The following NUDT19 variants were observed in gnomAD, a reference collection of about 807,000 sequenced individuals.
The protein encoded by NUDT19 is nudix hydrolase 19, also known as acyl-coenzyme A diphosphatase NUDT19.
Under a neutral mutation model 22.2 loss-of-function variants are expected in NUDT19, and 31 were observed. The ratio of observed to expected loss-of-function variants is 1.40; its 90% CI spans 1.05 to 1.89. The LOEUF (loss-of-function observed/expected upper bound fraction) is 1.89. Ranked by LOEUF, NUDT19 falls within the 40% of genes most tolerant of loss-of-function variation. The pLI, the probability that NUDT19 is intolerant of heterozygous loss-of-function variation, is 0.00. For missense variants in NUDT19, 752 were observed against 514.2 expected, an observed-to-expected ratio of 1.46 and a Z score of -4.47; for synonymous variants, 325 against 230.8, an observed-to-expected ratio of 1.41 and a Z score of -3.70.
Position 32,692,107 on chromosome 19 carries a change from C to A in NUDT19, c.147C>A (p.Arg49=), listed in dbSNP as rs1160434246. Residue 49 remains arginine, a synonymous_variant, in exon 1 of 3, where the codon CGC becomes CGA. Coordinates refer to ENST00000397061, the MANE Select transcript of NUDT19 (RefSeq NM_001105570.2). ...GCTTCCGGCTGCTGCTGCTGCAGCGCTCCCCGCACCAAGGCTTCATGCCGG... is the reference window on the plus strand; with the variant it reads ...GCTTCCGGCTGCTGCTGCTGCAGCGATCCCCGCACCAAGGCTTCATGCCGG... ...AEGFRLLLLQ[R]SPHQGFMPGA... is the part of the protein sequence containing the mutation. 2.1e-6 allele frequency: 3 copies of A among 1,421,392 alleles called. No individual in the cohort carries two copies. The highest frequency in any genetic ancestry group is 2.7e-6 in the Non-Finnish European group (3 of 1,095,248). 88.0% of individuals were successfully genotyped at this position (1,421,392 alleles called of 1,614,324 possible). A position where few individuals can be genotyped will look rare whatever the true frequency, so the allele number is the denominator to read the frequency against.
At chr19:32,692,718 G>C in intron 1 of NUDT19, 44 bp downstream of exon 1, 1 of 1,389,694 alleles carries the variant, frequency 7.2e-7, no homozygotes, top group Non-Finnish European at 9.4e-7. Flanking sequence ...CAGGACGTGA[G>C]AGGGAGGACC....
rs1568435902 is a variant in NUDT19 at position 32,712,101 on chromosome 19, G to A, written c.*144G>A. The stretch of plus-strand genomic sequence containing the variant: ...ATTTCTTTATTTTTTTCGAGACAGA[G>A]TCTCAATCTGTCGCCCAGGCTGGAG... On this transcript the variant is annotated 3_prime_UTR_variant, in exon 3 of 3. Coordinates refer to ENST00000397061, the MANE Select transcript of NUDT19 (RefSeq NM_001105570.2). 3.2e-6 allele frequency: 2 copies of A among 634,320 alleles called. No homozygotes were observed. Among genetic ancestry groups the A allele is most frequent in the Non-Finnish European group, 5.5e-6 (2 of 360,986 alleles). 39.3% of individuals were successfully genotyped at this position (634,320 alleles called of 1,614,324 possible).
chr19:32,692,268 C>T lies in NUDT19; in HGVS notation c.308C>T (p.Ser103Leu), dbSNP rs762016622. Residue 103 changes from serine (S) to leucine (L), a missense_variant, in exon 1 of 3, where the codon TCG (serine) becomes TTG (leucine). Ser to Leu is a moderately radical substitution (Grantham distance 145). Coordinates refer to ENST00000397061, the MANE Select transcript of NUDT19 (RefSeq NM_001105570.2). ...CCATTCAGCCGCACCGCTTTCCCGT[C>T]GCTGCCCGACACCGATGACCACAAG... ...PAPFSRTAFP[S>L]LPDTDDHKTD... The T allele has an allele frequency of 1.1e-4, 180 of 1,592,492 alleles. No individual in the cohort carries two copies. The highest frequency in any genetic ancestry group is 1.4e-4 in the Non-Finnish European group (167 of 1,177,602).
intron 1 of NUDT19, among the ~76,000 whole-genome samples, chr19:32,707,793 A>G (rs1968402397): frequency 6.6e-6 from 1 of 151,844 alleles, no homozygotes; most frequent in Non-Finnish European, 1.5e-5. Flanking sequence ...CCTGGTGAAC[A>G]CGGTGAAACC....
In NUDT19 at chr19:32,692,142, T is replaced by G; in HGVS notation, c.182T>G (p.Val61Gly). ...PHQGFMPGAH[V>G]FSGGVLDAAD... is the part of the protein sequence containing the mutation. The stretch of plus-strand genomic sequence containing the variant: ...CAAGGCTTCATGCCGGGCGCGCACG[T>G]CTTCTCCGGCGGAGTGCTGGATGCG... Residue 61 changes from valine to glycine, a missense_variant, in exon 1 of 3, where the codon GTC becomes GGC. Val to Gly is a moderately radical substitution (Grantham distance 109). Transcript: ENST00000397061. The G allele has an allele frequency of 1.3e-6, 2 of 1,494,490 alleles. No individual in the cohort carries two copies. Among genetic ancestry groups the G allele is most frequent in the Non-Finnish European group, 8.8e-7 (1 of 1,131,408 alleles). 92.6% of individuals were successfully genotyped at this position (1,494,490 alleles called of 1,614,324 possible).
intron 1 of NUDT19, among the ~76,000 whole-genome samples, chr19:32,702,595 G>A (rs1335708377): frequency 5.3e-5 from 8 of 152,114 alleles, no homozygotes; most frequent in East Asian, 1.9e-4. Context: ...GTGACAGAGC[G>A]AGACTCCATC....
chr19:32,693,051 A>G (rs1018472450), intron 1 of NUDT19, among the ~76,000 whole-genome samples: 23 of 152,338 alleles, frequency 1.5e-4, no homozygotes, highest in Non-Finnish European at 2.9e-5. Flanking sequence ...TTTTTGGTAC[A>G]GATGGGGGTC....
At chr19:32,699,093 AT>A (rs1166293742) in intron 1 of NUDT19, among the ~76,000 whole-genome samples, 5 of 152,180 alleles carry the variant, frequency 3.3e-5, no homozygotes, top group African/African-American at 9.7e-5. Flanking sequence ...AAAATTCCAG[AT>A]AATCCCCCCT....
Position 32,692,059 on chromosome 19 carries a change from G to C in NUDT19, c.99G>C (p.Pro33=). ...GWSRPETATP[P]SRPPPAEGFR... ...CGCGCCCGGAGACCGCCACCCCGCC[G>C]TCGCGCCCGCCGCCGGCCGAGGGCT... The change falls in exon 1 of 3, where the codon CCG becomes CCC. Residue 33 remains proline (P), a synonymous_variant. Transcript: ENST00000397061. 4 of 1,291,772 alleles carry C rather than the reference G, an allele frequency of 3.1e-6. No homozygotes were observed. The East Asian group carries it at 9.5e-5, about 31-fold the overall frequency. The allele number at this position is 1,291,772 out of a possible 1,614,324, so 80.0% of individuals were successfully genotyped here.
At position 32,699,361 on chromosome 19, in the gene NUDT19, G is replaced by A. The variant is rs139982463; in HGVS notation, c.714+6687G>A. On this transcript the variant is annotated intron_variant, in intron 1 of 2. Transcript: ENST00000397061. ...GATGGGTGAGTCTCGCCTGTGCGACGTGACTTTCAGAGTTCCATTCATGGC... is the reference window on the plus strand; with the variant it reads ...GATGGGTGAGTCTCGCCTGTGCGACATGACTTTCAGAGTTCCATTCATGGC... 1.9e-4 allele frequency among the ~76,000 whole-genome samples: 29 copies of A among 152,292 alleles called. 1 individual carries two copies. In the East Asian group the frequency reaches 1.9e-3, roughly 10 times the overall value.
chr19:32,694,269 C>A (rs1001127663), intron 1 of NUDT19, among the ~76,000 whole-genome samples: 1 of 152,130 alleles, frequency 6.6e-6, no homozygotes, highest in East Asian at 1.9e-4. Context: ...CTGTAAATGC[C>A]GGGCGGCATC....
At chr19:32,710,083 C>T (rs1223408273) in intron 2 of NUDT19, among the ~76,000 whole-genome samples, 1 of 151,976 alleles carries the variant, frequency 6.6e-6, no homozygotes, top group Non-Finnish European at 1.5e-5. Flanking sequence ...GCAATCTGGG[C>T]TCACTGCAAC....
rs573879610 is a variant in NUDT19 at position 32,712,701 on chromosome 19, A to G, written c.*744A>G. 6.6e-6 allele frequency: 1 copy of G among 152,070 alleles called. No homozygotes were observed. The highest frequency in any genetic ancestry group is 1.5e-5 in the Non-Finnish European group (1 of 68,048). The allele number at this position is 152,070 out of a possible 1,614,324, so 9.4% of individuals were successfully genotyped here. The stretch of plus-strand genomic sequence containing the variant: ...CACTGTGCCCAGCATGGTGTTTCTT[A>G]TATCAGGTGTTTTAGGGAGCTCGCT... On this transcript the variant is annotated 3_prime_UTR_variant, in exon 3 of 3. Coordinates refer to ENST00000397061, the MANE Select transcript of NUDT19 (RefSeq NM_001105570.2).
rs370062631 is a variant in NUDT19, at chr19:32,692,638, C to T, written c.678C>T (p.Pro226=). ...TGTGCTGCCTGCGCGAGCCGCCGCC[C>T]GTCTACCCCGACTTGGCGGAGGTGG... ...FFLCCLREPP[P]VYPDLAEVVG... The change falls in exon 1 of 3, where the codon CCC becomes CCT. Residue 226 remains proline (P), a synonymous_variant. Transcript: ENST00000397061. 2.6e-5 allele frequency: 40 copies of T among 1,526,770 alleles called. No homozygotes were observed. Among genetic ancestry groups the T allele is most frequent in the African/African-American group, 1.6e-4 (11 of 70,372 alleles). 94.6% of individuals were successfully genotyped at this position (1,526,770 alleles called of 1,614,324 possible).
chr19:32,692,588 C>T lies in NUDT19; in HGVS notation c.628C>T (p.Arg210Cys), dbSNP rs376287006. The T allele has an allele frequency of 3.2e-6, 5 of 1,585,642 alleles. No homozygotes were observed. The highest frequency in any genetic ancestry group is 2.8e-5 in the African/African-American group (2 of 72,154). Residue 210 changes from arginine (R) to cysteine (C), a missense_variant, in exon 1 of 3, where the codon CGC becomes TGC. Arg to Cys is a radical substitution (Grantham distance 180). Transcript: ENST00000397061. ...CACCCCTTTCTTGCGGGGCACCACT[C>T]GCCGCTTTGACACGGCCTTCTTCCT... ...WLTPFLRGTT[R>C]RFDTAFFLCC...
Position 32,711,806 on chromosome 19 carries a change from A to T in NUDT19, c.977A>T (p.Glu326Val), listed in dbSNP as rs1399235736. The change falls in exon 3 of 3, where the codon GAA (glutamate) becomes GTA (valine). Residue 326 changes from glutamate to valine, a missense_variant. By Grantham distance (121) the Glu-to-Val change is moderately radical. Coordinates refer to ENST00000397061, the MANE Select transcript of NUDT19 (RefSeq NM_001105570.2). ...SDFLENLMSTEKKTEEIMKEG... is the reference protein window; with the variant it reads ...SDFLENLMSTVKKTEEIMKEG... Reference sequence around the variant, plus strand: ...TTTTTGGAAAATCTTATGTCTACTGAAAAAAAGACTGAGGAAATCATGAAG... The same window carrying T: ...TTTTTGGAAAATCTTATGTCTACTGTAAAAAAGACTGAGGAAATCATGAAG... 2 of 1,612,206 alleles carry T rather than the reference A, an allele frequency of 1.2e-6. No homozygotes were observed. Among genetic ancestry groups the T allele is most frequent in the Non-Finnish European group, 1.7e-6 (2 of 1,178,302 alleles).
chr19:32,706,299 G>T lies in NUDT19; in HGVS notation c.715-2886G>T, dbSNP rs985358667. Among the ~76,000 whole-genome samples the T allele has an allele frequency of 1.5e-3, 231 of 152,150 alleles. 2 individuals carry two copies. The highest frequency in any genetic ancestry group is 5.4e-3 in the African/African-American group (222 of 41,434). On this transcript the variant is annotated intron_variant, in intron 1 of 2. Coordinates refer to ENST00000397061, the MANE Select transcript of NUDT19 (RefSeq NM_001105570.2). ...TTTGAGTTACCCTCAGTCAACCAAG[G>T]TCTGAAAATATTAAGATATTTGGAG...
intron 1 of NUDT19, among the ~76,000 whole-genome samples, chr19:32,698,278 G>A (rs959182797): frequency 1.3e-5 from 2 of 152,146 alleles, no homozygotes; most frequent in East Asian, 3.8e-4. Context: ...AGAAATTGGG[G>A]CCAGGCTGTA....
chr19:32,699,063 C>A (rs1325877499), intron 1 of NUDT19, among the ~76,000 whole-genome samples: 1 of 152,170 alleles, frequency 6.6e-6, no homozygotes, highest in Non-Finnish European at 1.5e-5. Context: ...GTTAGGCCTG[C>A]TTTTCTGAGG....
Sources: allele counts gnomAD v4.1 joint callset (sites outside exome capture counted in the v4.1 genomes callset), GRCh38; gene constraint gnomAD v4.1.1; transcripts MANE v1.5; gene names NCBI Gene and HGNC (gene_info 2026-07-23, HGNC 2026-07-21).